The following C12orf54 variants were observed in gnomAD, a reference collection of about 807,000 sequenced individuals.
C12orf54 encodes chromosome 12 open reading frame 54.
Under a neutral mutation model 26.4 loss-of-function variants are expected in C12orf54, and 24 were observed. That is an observed-to-expected ratio of 0.91 (90% CI 0.66 to 1.28). The LOEUF is 1.28. Ranked by LOEUF, C12orf54 falls within the 50% of genes most tolerant of loss-of-function variation. The pLI, the probability that C12orf54 is intolerant of heterozygous loss-of-function variation, is 0.00. For missense variants in C12orf54, 154 were observed against 150.9 expected, an observed-to-expected ratio of 1.02 and a Z score of -0.11; for synonymous variants, 54 against 47.0, an observed-to-expected ratio of 1.15 and a Z score of -0.61.
chr12:48,467,947 C>G, the C12orf54 span, among the ~76,000 whole-genome samples: 1 of 152,028 alleles, frequency 6.6e-6, no homozygotes, highest in Non-Finnish European at 1.5e-5. Flanking sequence ...CATCACTGGC[C>G]TGGATAATAA....
At chr12:48,483,515 C>T (rs112172861) in intron 2 of C12orf54, 154 bp downstream of exon 2, 2 of 593,184 alleles carry the variant, frequency 3.4e-6, no homozygotes, top group African/African-American at 1.9e-5. Flanking sequence ...CCCTCTTCTC[C>T]ATCTCCTTAA....
the C12orf54 span, among the ~76,000 whole-genome samples, chr12:48,462,653 G>A: frequency 6.6e-6 from 1 of 151,492 alleles, no homozygotes. Context: ...TACAGAAAAA[G>A]CATTTGACAA....
At chr12:48,439,207 C>G in the C12orf54 span, among the ~76,000 whole-genome samples, 2 of 152,198 alleles carry the variant, frequency 1.3e-5, no homozygotes, top group Non-Finnish European at 2.9e-5. Flanking sequence ...GATACCATCT[C>G]ACACCAGTTA....
At chr12:48,437,416 C>T in the C12orf54 span, among the ~76,000 whole-genome samples, 5 of 152,250 alleles carry the variant, frequency 3.3e-5, no homozygotes, top group Admixed American at 1.3e-4. Flanking sequence ...CCAGCATCAT[C>T]CTCATACCAA....
chr12:48,434,352 C>A, the C12orf54 span, among the ~76,000 whole-genome samples: 3 of 152,214 alleles, frequency 2.0e-5, no homozygotes, highest in African/African-American at 7.2e-5. Flanking sequence ...CACAGACAAA[C>A]AAAAGACAGC....
At chr12:48,463,587 T>C in the C12orf54 span, among the ~76,000 whole-genome samples, 21,954 of 150,994 alleles carry the variant, frequency 0.15, 2,802 homozygotes, top group East Asian at 0.66. Flanking sequence ...ATCATCCTGA[T>C]AGCAAAACCT....
the C12orf54 span, among the ~76,000 whole-genome samples, chr12:48,435,333 C>G: frequency 6.6e-6 from 1 of 152,226 alleles, no homozygotes; most frequent in African/African-American, 2.4e-5. Flanking sequence ...TTGGAAAACA[C>G]TCTGCAGGAT....
the C12orf54 span, among the ~76,000 whole-genome samples, chr12:48,435,755 G>A: frequency 6.6e-6 from 1 of 152,132 alleles, no homozygotes; most frequent in South Asian, 2.1e-4. Flanking sequence ...GCTCCTGAAG[G>A]AAGCACTAAA....
At chr12:48,421,133 C>A in the C12orf54 span, among the ~76,000 whole-genome samples, 1 of 152,150 alleles carries the variant, frequency 6.6e-6, no homozygotes, top group Non-Finnish European at 1.5e-5. Context: ...AAAGAAATAC[C>A]TGAGCTTGGG....
intron 7 of C12orf54, among the ~76,000 whole-genome samples, chr12:48,494,204 A>G (rs1300118991): frequency 6.6e-6 from 1 of 151,882 alleles, no homozygotes; most frequent in Non-Finnish European, 1.5e-5. Flanking sequence ...AGGCAACAAG[A>G]GTGAAACTCT....
chr12:48,434,141 A>C, the C12orf54 span, among the ~76,000 whole-genome samples: 1 of 152,164 alleles, frequency 6.6e-6, no homozygotes, highest in South Asian at 2.1e-4. Context: ...GGAGGGTCCT[A>C]CACCCATGGA....
At chr12:48,456,810 G>C in the C12orf54 span, among the ~76,000 whole-genome samples, 1 of 151,986 alleles carries the variant, frequency 6.6e-6, no homozygotes, top group East Asian at 1.9e-4. Flanking sequence ...TTTCTTCTTT[G>C]GCAAGCAGAA....
the C12orf54 span, among the ~76,000 whole-genome samples, chr12:48,470,736 T>C: frequency 6.6e-6 from 1 of 152,176 alleles, no homozygotes; most frequent in Non-Finnish European, 1.5e-5. Flanking sequence ...AAAAATTCTT[T>C]GCCAAGGTTG....
At chr12:48,475,294 G>GA in the C12orf54 span, among the ~76,000 whole-genome samples, 1 of 144,790 alleles carries the variant, frequency 6.9e-6, no homozygotes, top group Non-Finnish European at 1.5e-5. Context: ...ACAAAGATGG[G>GA]AAAAAAAGAG....
intron 2 of C12orf54, among the ~76,000 whole-genome samples, chr12:48,484,293 C>T (rs1954233311): frequency 6.6e-6 from 1 of 152,180 alleles, no homozygotes; most frequent in Non-Finnish European, 1.5e-5. Flanking sequence ...GCCTGAGACC[C>T]AGTGAGGAAT....
chr12:48,420,730 A>G, the C12orf54 span, among the ~76,000 whole-genome samples: 23 of 152,128 alleles, frequency 1.5e-4, no homozygotes, highest in Non-Finnish European at 2.9e-4. Context: ...TGCTAATGTC[A>G]TCTAGTACTT....
the C12orf54 span, among the ~76,000 whole-genome samples, chr12:48,468,362 G>T: frequency 2.6e-5 from 4 of 152,238 alleles, no homozygotes; most frequent in South Asian, 6.2e-4. Context: ...CAGGTGGAGT[G>T]GGCAGGAATG....
chr12:48,480,046 G>A (rs1241738032), upstream of C12orf54, among the ~76,000 whole-genome samples: 1 of 151,840 alleles, frequency 6.6e-6, no homozygotes, highest in African/African-American at 2.4e-5. Context: ...GATACTTTCG[G>A]TCTTAAAGCA....
At chr12:48,424,404 A>G in the C12orf54 span, among the ~76,000 whole-genome samples, 1 of 152,064 alleles carries the variant, frequency 6.6e-6, no homozygotes, top group Non-Finnish European at 1.5e-5. Context: ...TTTGGTTTAT[A>G]ATTAGTATTA....
Sources: allele counts gnomAD v4.1 joint callset (sites outside exome capture counted in the v4.1 genomes callset), GRCh38; gene constraint gnomAD v4.1.1; transcripts MANE v1.5; gene names NCBI Gene and HGNC (gene_info 2026-07-23, HGNC 2026-07-21).